The following RBBP5 variants were observed in gnomAD, a reference collection of about 807,000 sequenced individuals.
RBBP5 encodes RB binding protein 5, histone lysine methyltransferase complex subunit, also known as retinoblastoma-binding protein 5.
In RBBP5, 5 loss-of-function variants were observed where a neutral mutation model predicts 72.2. That is an observed-to-expected ratio of 0.07 (90% CI 0.04 to 0.15). The LOEUF (loss-of-function observed/expected upper bound fraction) is 0.15. Ranked by LOEUF, RBBP5 falls within the 10% of genes least tolerant of loss-of-function variation. RBBP5 has a pLI of 1.00. For synonymous variants in RBBP5, 209 were observed against 237.2 expected (o/e 0.88, Z 1.09); for missense variants, 322 against 652.2 (o/e 0.49, Z 5.51).
At chr1:205,093,627 T>TA (rs1655499494) in intron 13 of RBBP5, among the ~76,000 whole-genome samples, 2 of 148,884 alleles carry the variant, frequency 1.3e-5, no homozygotes, top group Admixed American at 6.8e-5. Flanking sequence ...GTGGACGTGG[T>TA]AACCATCAGT....
In RBBP5 at chr1:205,108,165, C is replaced by A. The variant is rs190256176; in HGVS notation, c.219-2997G>T. On this transcript the variant is annotated intron_variant, in intron 3 of 13. Coordinates refer to ENST00000264515, the MANE Select transcript of RBBP5 (RefSeq NM_005057.4). ...GGCTGAGGCTGGAGAATCACTTGAA[C>A]TTGGGAGGCGGAGGTTGCAGTGAGC... is the stretch of plus-strand genomic sequence containing the variant. Among the ~76,000 whole-genome samples the A allele has an allele frequency of 1.6e-3, 242 of 149,700 alleles. 2 individuals are homozygous for A. The Middle Eastern group carries it at 0.032, about 20-fold the overall frequency.
At position 205,099,794 on chromosome 1, in the gene RBBP5, T is replaced by G; in HGVS notation, c.925A>C (p.Ile309Leu). ...ACTCCACTGGAAATGGATGCTATGA[T>G]GGGTCGAACAGGATGCCACTAAATT... ...LDVAWHPVRP[I>L]IASISSGVVS... Residue 309 changes from isoleucine to leucine, a missense_variant, in exon 9 of 14, where the codon ATC becomes CTC. Ile to Leu is a conservative substitution (Grantham distance 5, BLOSUM62 2). Transcript: ENST00000264515. The surrounding 1 kb of genome is among the most constrained non-coding windows in gnomAD (Gnocchi z 4.7). The G allele has an allele frequency of 6.2e-7, 1 of 1,613,930 alleles. No individual in the cohort carries two copies.
At position 205,103,922 on chromosome 1, in the gene RBBP5, A is replaced by G; in HGVS notation, c.457T>C (p.Leu153=). 1 of 1,614,186 alleles carries G rather than the reference A, an allele frequency of 6.2e-7. No homozygotes were observed. Among genetic ancestry groups the G allele is most frequent in the Non-Finnish European group, 8.5e-7 (1 of 1,180,008 alleles). Residue 153 remains leucine, a synonymous_variant, in exon 5 of 14, where the codon TTG becomes CTG. Transcript: ENST00000264515. ...CTATCAAAAGATGCCACAACGTTCA[A>G]ATCGGAGTCATCGTCCACCGGCAGA... ...VVLPVDDDSD[L]NVVASFDRRG... is the part of the protein sequence containing the mutation.
intron 3 of RBBP5, among the ~76,000 whole-genome samples, chr1:205,111,467 T>C (rs1449470845): frequency 6.6e-6 from 1 of 152,216 alleles, no homozygotes; most frequent in East Asian, 1.9e-4. Flanking sequence ...AATCTCAAAC[T>C]CACCACTTCC....
intron 6 of RBBP5, among the ~76,000 whole-genome samples, chr1:205,100,951 T>C (rs1655795212): frequency 6.6e-6 from 1 of 152,102 alleles, no homozygotes; most frequent in Admixed American, 6.5e-5. Context: ...CCCTCACATG[T>C]GCAGTTCAAA....
intron 3 of RBBP5, among the ~76,000 whole-genome samples, chr1:205,109,171 C>T (rs1449776585): frequency 6.6e-6 from 1 of 151,940 alleles, no homozygotes; most frequent in African/African-American, 2.4e-5. Flanking sequence ...TAGAGAATGT[C>T]AACTCTAAAG....
At chr1:205,120,128 C>T (rs1168635928) in intron 1 of RBBP5, among the ~76,000 whole-genome samples, 1 of 152,174 alleles carries the variant, frequency 6.6e-6, no homozygotes, top group Non-Finnish European at 1.5e-5. Context: ...AATTTGTCAT[C>T]CCTACCTCCT....
chr1:205,106,103 C>A (rs1386129743), intron 3 of RBBP5, among the ~76,000 whole-genome samples: 1 of 152,140 alleles, frequency 6.6e-6, no homozygotes, highest in Non-Finnish European at 1.5e-5. Flanking sequence ...AGAGAAGGAA[C>A]AAGGAATTCC....
At chr1:205,119,523 A>G (rs557758473) in intron 1 of RBBP5, among the ~76,000 whole-genome samples, 4 of 152,160 alleles carry the variant, frequency 2.6e-5, no homozygotes, top group Non-Finnish European at 5.9e-5. Flanking sequence ...CCTTTCTTCC[A>G]TCCTTAAGTT....
intron 1 of RBBP5, among the ~76,000 whole-genome samples, chr1:205,117,044 G>C (rs1235278116): frequency 1.3e-5 from 2 of 151,840 alleles, no homozygotes; most frequent in African/African-American, 4.8e-5. Context: ...CGACCGGCCT[G>C]GTTTTTTTTG....
intron 10 of RBBP5, 138 bp downstream of exon 10, chr1:205,098,844 CAAAAAAA>C (rs71147725): frequency 7.0e-6 from 2 of 284,684 alleles, no homozygotes; most frequent in Non-Finnish European, 1.1e-5. Flanking sequence ...AATTCCATCT[CAAAAAAA>C]AAAAAAAAAA....
In RBBP5 at chr1:205,097,351, C is replaced by A. The variant is rs1655657268; in HGVS notation, c.1141G>T (p.Asp381Tyr). 2 of 1,552,072 alleles carry A rather than the reference C, an allele frequency of 1.3e-6. No individual in the cohort carries two copies. The highest frequency in any genetic ancestry group is 2.0e-5 in the Admixed American group (1 of 51,010). ...CTGCTACAGAAGGCAGCAATAGGGTCCACGCTGGTGACATCCACTTCCTCA... is the reference window on the plus strand; with the variant it reads ...CTGCTACAGAAGGCAGCAATAGGGTACACGCTGGTGACATCCACTTCCTCA... ...EDEEVDVTSV[D>Y]PIAAFCSSDE... The change falls in exon 11 of 14, where the codon GAC (aspartate) becomes TAC (tyrosine). Residue 381 changes from aspartate (D) to tyrosine (Y), a missense_variant. By Grantham distance (160) the Asp-to-Tyr change is radical. Around this residue, in one of 6 missense-constraint regions of RBBP5, gnomAD observed 30 missense variants for 82.1 expected, o/e 0.37. Coordinates refer to ENST00000264515, the MANE Select transcript of RBBP5 (RefSeq NM_005057.4).
chr1:205,121,801 C>T lies in RBBP5; in HGVS notation c.19+54G>A, dbSNP rs1656747361. On this transcript the variant is annotated intron_variant, in intron 1 of 13. Coordinates refer to ENST00000264515, the MANE Select transcript of RBBP5 (RefSeq NM_005057.4). ...GCCTGACTCCCCTCCCGCCTGGGTT[C>T]CCTCCTTTCCAGTACCCAACGCTTC... 12 of 1,611,176 alleles carry T rather than the reference C, an allele frequency of 7.4e-6. No individual in the cohort carries two copies. In the East Asian group the frequency reaches 2.2e-4, roughly 30 times the overall value.
intron 5 of RBBP5, among the ~76,000 whole-genome samples, chr1:205,102,793 A>T (rs1211843891): frequency 1.3e-5 from 2 of 152,008 alleles, no homozygotes; most frequent in African/African-American, 2.4e-5. Flanking sequence ...TGGGAGTTCA[A>T]GACCAGCCTG....
At chr1:205,097,906 C>T (rs2029139) in intron 10 of RBBP5, among the ~76,000 whole-genome samples, 15,377 of 152,144 alleles carry the variant, frequency 0.1, 1,425 homozygotes, top group African/African-American at 0.24. Context: ...CATCAAGTAT[C>T]TCGGGGGTCA....
At chr1:205,119,499 T>C (rs1656655552) in intron 1 of RBBP5, among the ~76,000 whole-genome samples, 1 of 152,228 alleles carries the variant, frequency 6.6e-6, no homozygotes, top group African/African-American at 2.4e-5. Flanking sequence ...TCTTTCAAAG[T>C]ACTAGCGTTA....
At chr1:205,107,084 ATATACACACACACACACATATGTATC>A (rs1558578035) in intron 3 of RBBP5, among the ~76,000 whole-genome samples, 1 of 135,076 alleles carries the variant, frequency 7.4e-6, no homozygotes, top group Non-Finnish European at 1.7e-5. Context: ...ACATATATAT[ATATACACACACACACACATATGTATC>A]TATACACACA....
intron 3 of RBBP5, among the ~76,000 whole-genome samples, chr1:205,107,004 T>C (rs79783737): frequency 3.3e-5 from 5 of 150,724 alleles, no homozygotes; most frequent in African/African-American, 1.2e-4. Flanking sequence ...GAATAAAAAT[T>C]ACCATAGACA....
rs1574676362 is a variant in RBBP5, at chr1:205,086,244, T to C, written c.*2543A>G. 1 of 150,248 alleles carries C rather than the reference T, an allele frequency of 6.7e-6. No homozygotes were observed. Among genetic ancestry groups the C allele is most frequent in the East Asian group, 1.9e-4 (1 of 5,142 alleles). The allele number at this position is 150,248 out of a possible 1,614,324, so 9.3% of individuals were successfully genotyped here. Reference sequence around the variant, plus strand: ...GTACAAAACTACAGATTTTTTTTTTTTTTTTTTTTTGAGATGGAGTCTTGC... The same window carrying C: ...GTACAAAACTACAGATTTTTTTTTTCTTTTTTTTTTGAGATGGAGTCTTGC... On this transcript the variant is annotated 3_prime_UTR_variant, in exon 14 of 14. Coordinates refer to ENST00000264515, the MANE Select transcript of RBBP5 (RefSeq NM_005057.4).
Sources: gnomAD v4.1 joint callset for allele counts (sites outside exome capture counted in the v4.1 genomes callset) on GRCh38, gnomAD v4.1.1 for gene constraint, gnomAD v4.1.1 regional missense constraint, Gnocchi (gnomAD v3.1) non-coding constraint, MANE v1.5 for transcripts, NCBI Gene and HGNC (gene_info 2026-07-23, HGNC 2026-07-21) for gene names.